BRWD1: variants seen among roughly 807,000 people sequenced by gnomAD.
The protein encoded by BRWD1 is bromodomain and WD repeat domain containing 1.
Under a neutral mutation model 251.2 loss-of-function variants are expected in BRWD1, and 82 were observed. The observed-to-expected ratio is 0.33, with a 90% confidence interval of 0.27 to 0.39. BRWD1 has a LOEUF of 0.39. BRWD1 is among the 10% of genes least tolerant of loss of function. The probability of loss-of-function intolerance (pLI) is 1.00; values close to 1 mark genes in which losing one functional copy is unlikely to be tolerated. For synonymous variants in BRWD1, 918 were observed against 902.8 expected (o/e 1.02, Z -0.30); for missense variants, 2,233 against 2,711.6 (o/e 0.82, Z 3.92).
intron 8 of BRWD1, among the ~76,000 whole-genome samples, chr21:39,290,666 TTTC>T (rs1369427064): frequency 2.0e-5 from 3 of 152,154 alleles, no homozygotes; most frequent in African/African-American, 2.4e-5. Flanking sequence ...AAGTATAAAT[TTTC>T]TTATTTGCTG....
chr21:39,295,502 T>C (rs1399585210), intron 7 of BRWD1, among the ~76,000 whole-genome samples: 1 of 150,024 alleles, frequency 6.7e-6, no homozygotes, highest in East Asian at 1.9e-4. Flanking sequence ...TGTCTATTTT[T>C]AAGCATCCTT....
At chr21:39,220,443 T>A (rs1568882119) in intron 29 of BRWD1, among the ~76,000 whole-genome samples, 1 of 152,216 alleles carries the variant, frequency 6.6e-6, no homozygotes, top group African/African-American at 2.4e-5. Flanking sequence ...TCCAAACCCA[T>A]CTACCATATC....
chr21:39,289,259 G>A (rs1453067334), intron 8 of BRWD1, among the ~76,000 whole-genome samples: 2 of 152,088 alleles, frequency 1.3e-5, no homozygotes, highest in Non-Finnish European at 2.9e-5. Flanking sequence ...TTATTCTAGA[G>A]ATTTCAAAAT....
At chr21:39,291,367 A>C (rs2035802382) in intron 8 of BRWD1, among the ~76,000 whole-genome samples, 1 of 152,208 alleles carries the variant, frequency 6.6e-6, no homozygotes, top group Admixed American at 6.5e-5. Context: ...ATCAAACATA[A>C]AATAAAAGCC....
chr21:39,313,199 TG>T, intron 2 of BRWD1, 41 bp downstream of exon 2: 1 of 1,516,386 alleles, frequency 6.6e-7, no homozygotes, highest in South Asian at 1.2e-5. Flanking sequence ...GCGGGGACAC[TG>T]GGGACGCCAA....
chr21:39,278,311 T>C (rs932882761), intron 10 of BRWD1, among the ~76,000 whole-genome samples: 4 of 152,036 alleles, frequency 2.6e-5, no homozygotes, highest in African/African-American at 9.7e-5. Context: ...CTTTGACCTA[T>C]CCGAAAAAAG....
chr21:39,185,345 C>T (rs570953713), downstream of BRWD1: 33 of 124,586 alleles, frequency 2.6e-4, no homozygotes, highest in Non-Finnish European at 4.6e-4. Flanking sequence ...TAGTCTTCAC[C>T]GAGTTAAGTA....
intron 32 of BRWD1, among the ~76,000 whole-genome samples, chr21:39,214,075 AGGTGATTCT>A (rs1305571891): frequency 6.6e-6 from 1 of 152,138 alleles, no homozygotes; most frequent in Admixed American, 6.5e-5. Flanking sequence ...AAGAACAAGA[AGGTGATTCT>A]GGGGAGGAGG....
At chr21:39,291,562 C>G (rs1303248345) in intron 8 of BRWD1, among the ~76,000 whole-genome samples, 2 of 152,144 alleles carry the variant, frequency 1.3e-5, no homozygotes, top group African/African-American at 4.8e-5. Flanking sequence ...ACTCGCTGAC[C>G]AGACCTTGTA....
Position 39,312,963 on chromosome 21 carries a change from G to A in BRWD1, c.139-63C>T, listed in dbSNP as rs1289013156. On this transcript the variant is annotated intron_variant, in intron 3 of 40. Transcript: ENST00000342449. ...CCGGCGCGGGGGGGGCGGGGGGCGGGGGGCCGGGGGCGGGCGGCGGGCGGC... is the reference window on the plus strand; with the variant it reads ...CCGGCGCGGGGGGGGCGGGGGGCGGAGGGCCGGGGGCGGGCGGCGGGCGGC... 75 of 528,006 alleles carry A rather than the reference G, an allele frequency of 1.4e-4. 3 individuals carry two copies. Among genetic ancestry groups the A allele is most frequent in the Non-Finnish European group, 1.6e-4 (65 of 397,580 alleles). 32.7% of individuals were successfully genotyped at this position (528,006 alleles called of 1,614,324 possible). A position where few individuals can be genotyped will look rare whatever the true frequency, so the allele number is the denominator to read the frequency against.
In BRWD1 at chr21:39,276,218, A is replaced by G; in HGVS notation, c.1105-5T>C. ...TTGGATACTATCTACTTTATCCTAA[A>G]GGGGGGAAAAGGACAAATACAAAAA... On this transcript the variant is annotated splice_region_variant and splice_polypyrimidine_tract_variant and intron_variant, in intron 11 of 40. Transcript: ENST00000342449. 3 of 1,594,180 alleles carry G rather than the reference A, an allele frequency of 1.9e-6. No homozygotes were observed. Among genetic ancestry groups the G allele is most frequent in the Non-Finnish European group, 2.6e-6 (3 of 1,167,172 alleles).
rs1031787347 is a variant in BRWD1 at position 39,194,408 on chromosome 21, G to T, written c.*1851C>A. 6.5e-5 allele frequency: 76 copies of T among 1,166,236 alleles called. No individual in the cohort carries two copies. In the Middle Eastern group the frequency reaches 1.0e-3, roughly 16 times the overall value. 72.2% of individuals were successfully genotyped at this position (1,166,236 alleles called of 1,614,324 possible). A position where few individuals can be genotyped will look rare whatever the true frequency, so the allele number is the denominator to read the frequency against. Reference sequence around the variant, plus strand: ...GTTTTTAAAATTAGCAAAGTAAAAGGCATCCCATTAGTCTTTTCAGTCTTA... The same window carrying T: ...GTTTTTAAAATTAGCAAAGTAAAAGTCATCCCATTAGTCTTTTCAGTCTTA... On this transcript the variant is annotated 3_prime_UTR_variant, in exon 41 of 41. Coordinates refer to ENST00000342449, the MANE Select transcript of BRWD1 (RefSeq NM_033656.4).
rs1259241554 is a variant in BRWD1 at position 39,187,302 on chromosome 21, TTTCTC to T, written c.*8952_*8956del. ...CAACAGTAGCACATCTGCGGGGAAC[TTTCTC>T]AGGTACCATTTTTGCTTTCAGAGTT... On this transcript the variant is annotated 3_prime_UTR_variant, in exon 41 of 41. Transcript: ENST00000342449. 1 of 1,614,070 alleles carries T rather than the reference TTTCTC, an allele frequency of 6.2e-7. No individual in the cohort carries two copies. Among genetic ancestry groups the T allele is most frequent in the Non-Finnish European group, 8.5e-7 (1 of 1,179,952 alleles).
intron 29 of BRWD1, among the ~76,000 whole-genome samples, chr21:39,221,346 T>C (rs1158156906): frequency 6.6e-6 from 1 of 151,994 alleles, no homozygotes; most frequent in African/African-American, 2.4e-5. Flanking sequence ...GTTATATGAT[T>C]TACTCTATAA....
chr21:39,317,941 T>C (rs1038983269), upstream of BRWD1, among the ~76,000 whole-genome samples: 10 of 152,046 alleles, frequency 6.6e-5, no homozygotes, highest in South Asian at 2.1e-4. Context: ...TTTGAGCTAT[T>C]TGGGGAGACT....
At chr21:39,313,358 A>AGCCG (rs1568987332) in intron 1 of BRWD1, 59 bp from the exon 2 acceptor site, 171,273 of 1,461,740 alleles carry the variant, frequency 0.12, 11,051 homozygotes, top group Admixed American at 0.13. Flanking sequence ...GGACGGGGCC[A>AGCCG]GGGGAGCCGG....
chr21:39,260,029 A>G (rs1043849098), intron 17 of BRWD1, among the ~76,000 whole-genome samples: 1 of 152,134 alleles, frequency 6.6e-6, no homozygotes, highest in Non-Finnish European at 1.5e-5. Flanking sequence ...TATCACTGAT[A>G]ATGTCTTTGT....
rs2031684271 is a variant in BRWD1, at chr21:39,193,954, A to G, written c.*2305T>C. ...AAAACCCATAAAAATTATTTTCTCC[A>G]TTATCTCTCAGTTTTATTTCATAAC... On this transcript the variant is annotated 3_prime_UTR_variant, in exon 41 of 41. Coordinates refer to ENST00000342449, the MANE Select transcript of BRWD1 (RefSeq NM_033656.4). The G allele has an allele frequency of 3.0e-6, 3 of 985,392 alleles. No individual in the cohort carries two copies. The highest frequency in any genetic ancestry group is 1.7e-5 in the African/African-American group (1 of 57,212). The allele number at this position is 985,392 out of a possible 1,614,324, so 61.0% of individuals were successfully genotyped here.
intron 17 of BRWD1, 97 bp downstream of exon 17, chr21:39,264,360 TTAA>T (rs1338300685): frequency 2.7e-6 from 2 of 748,372 alleles, no homozygotes. Flanking sequence ...TTGCAAAATA[TTAA>T]TAATTGGGGA....
Sources: allele counts gnomAD v4.1 joint callset (sites outside exome capture counted in the v4.1 genomes callset), GRCh38; gene constraint gnomAD v4.1.1; transcripts MANE v1.5; gene names NCBI Gene and HGNC (gene_info 2026-07-23, HGNC 2026-07-21).